Variants in ACOT1 observed in about 807,000 individuals in gnomAD.
ACOT1 encodes acyl-coenzyme A thioesterase 1.
ACOT1 carries 8 observed loss-of-function variants against 15.7 expected under a neutral mutation model. The observed-to-expected ratio is 0.51, with a 90% CI of 0.30 to 0.92. The LOEUF (loss-of-function observed/expected upper bound fraction) is 0.92. Among genes scored for constraint, ACOT1 ranks in the 40% least tolerant of loss-of-function variants. The pLI is 0.06. For synonymous variants in ACOT1, 67 were observed against 241.2 expected (o/e 0.28, Z 6.69); for missense variants, 151 against 539.4 (o/e 0.28, Z 7.13).
chr14:73,497,010 C>T, the ACOT1 span, among the ~76,000 whole-genome samples: 3 of 152,236 alleles, frequency 2.0e-5, no homozygotes, highest in South Asian at 6.2e-4. Flanking sequence ...ATTCTCCTGC[C>T]TCAGCCTCCT....
the ACOT1 span, chr14:73,499,209 G>A: frequency 4.0e-5 from 52 of 1,305,684 alleles, 2 homozygotes; most frequent in South Asian, 3.4e-4. Flanking sequence ...AGCTGGGTGC[G>A]GTGGTGCACC....
chr14:73,520,624 A>G, the ACOT1 span: 1 of 437,580 alleles, frequency 2.3e-6, no homozygotes, highest in Non-Finnish European at 4.0e-6. Flanking sequence ...CCTCTTTAGT[A>G]AGATAGAGGG....
the ACOT1 span, among the ~76,000 whole-genome samples, chr14:73,525,890 T>A: frequency 6.6e-6 from 1 of 151,148 alleles, no homozygotes; most frequent in South Asian, 2.1e-4. Context: ...GAAGCAGAGG[T>A]TGCAGTGAGA....
At chr14:73,498,480 G>T in the ACOT1 span, 1 of 699,766 alleles carries the variant, frequency 1.4e-6, no homozygotes, top group Non-Finnish European at 2.3e-6. Context: ...GGATAGGTCA[G>T]AATGGGACAT....
At chr14:73,492,841 G>T in the ACOT1 span, 3 of 1,613,772 alleles carry the variant, frequency 1.9e-6, no homozygotes, top group Admixed American at 1.7e-5. The surrounding 1 kb of genome is among the most constrained non-coding windows in gnomAD (Gnocchi z 4.9). Flanking sequence ...TTGTGAGAGT[G>T]GGGGACCTGC....
At position 73,537,848 on chromosome 14, in the gene ACOT1, C is replaced by A. The variant is rs1449777971; in HGVS notation, c.427C>A (p.Arg143=). 5.8e-6 allele frequency: 7 copies of A among 1,205,430 alleles called. 3 individuals carry two copies. The African/African-American group carries it at 7.9e-5, about 14-fold the overall frequency. 74.7% of individuals were successfully genotyped at this position (1,205,430 alleles called of 1,614,324 possible). The change falls in exon 1 of 3, where the codon CGG becomes AGG. Residue 143 remains arginine (R), a synonymous_variant. Coordinates refer to ENST00000311148, the MANE Select transcript of ACOT1 (RefSeq NM_001037161.2). ...GCGGCGCGAGCCGGTGCGCGCGGGCCGGGTGCGAGGCACGCTCTTCCTGCC... is the reference window on the plus strand; with the variant it reads ...GCGGCGCGAGCCGGTGCGCGCGGGCAGGGTGCGAGGCACGCTCTTCCTGCC... The part of the protein sequence containing the change: ...GVRREPVRAG[R]VRGTLFLPPE...
At chr14:73,519,375 A>G in the ACOT1 span, among the ~76,000 whole-genome samples, 8 of 152,138 alleles carry the variant, frequency 5.3e-5, no homozygotes. Context: ...TGGGGGAAAA[A>G]AAAAAGAAAA....
chr14:73,519,096 C>G, the ACOT1 span: 2 of 1,613,834 alleles, frequency 1.2e-6, no homozygotes, highest in South Asian at 1.1e-5. Flanking sequence ...GCTTGTTGTA[C>G]CGATTTAGGT....
chr14:73,526,016 G>A, the ACOT1 span, among the ~76,000 whole-genome samples: 1 of 151,778 alleles, frequency 6.6e-6, no homozygotes, highest in African/African-American at 2.4e-5. Context: ...ACAGTACCTG[G>A]TTTTCACATC....
intron 1 of ACOT1, among the ~76,000 whole-genome samples, chr14:73,540,383 G>T (rs1350307678): frequency 8.4e-6 from 1 of 119,512 alleles, no homozygotes; most frequent in Non-Finnish European, 1.8e-5. Flanking sequence ...CAGTCAAAGT[G>T]ATTGAACTAC....
the ACOT1 span, among the ~76,000 whole-genome samples, chr14:73,501,736 GCTAA>G: frequency 1.3e-5 from 2 of 151,092 alleles, no homozygotes; most frequent in African/African-American, 2.4e-5. Context: ...CACCACACTG[GCTAA>G]CTTTTTATTT....
the ACOT1 span, chr14:73,496,454 T>C: frequency 1.7e-6 from 1 of 593,584 alleles, no homozygotes; most frequent in South Asian, 2.2e-5. Context: ...CTTTGCATCT[T>C]CAAATGATGT....
the ACOT1 span, among the ~76,000 whole-genome samples, chr14:73,518,454 C>G: frequency 6.6e-6 from 1 of 151,878 alleles, no homozygotes; most frequent in Non-Finnish European, 1.5e-5. Flanking sequence ...CTGTTAGTTT[C>G]TGCACACCAC....
chr14:73,541,799 C>T lies in ACOT1; in HGVS notation c.660+104C>T. The T allele has an allele frequency of 2.7e-6, 2 of 736,848 alleles. 1 individual carries two copies. The highest frequency in any genetic ancestry group is 4.1e-6 in the Non-Finnish European group (2 of 484,242). 45.6% of individuals were successfully genotyped at this position (736,848 alleles called of 1,614,324 possible). A position where few individuals can be genotyped will look rare whatever the true frequency, so the allele number is the denominator to read the frequency against. On this transcript the variant is annotated intron_variant, in intron 2 of 2. Coordinates refer to ENST00000311148, the MANE Select transcript of ACOT1 (RefSeq NM_001037161.2). ...CTCATTCATGACAGCCATTCCCTAC[C>T]CCAACACACACTACCTTTTTTAGTC...
At chr14:73,496,736 G>T in the ACOT1 span, 1 of 956,590 alleles carries the variant, frequency 1.0e-6, no homozygotes, top group South Asian at 1.3e-5. Context: ...AAAAAGTATG[G>T]GGGTAGAAAA....
chr14:73,498,067 C>T, the ACOT1 span: 1 of 1,263,740 alleles, frequency 7.9e-7, no homozygotes, highest in East Asian at 2.4e-5. Context: ...CATTAGGTAG[C>T]CTGGAAAGGC....
In ACOT1 at chr14:73,542,648, CA is replaced by C. The variant is rs1889129662; in HGVS notation, c.661-401del. 1.8e-5 allele frequency among the ~76,000 whole-genome samples: 2 copies of C among 110,318 alleles called. 1 individual carries two copies. The highest frequency in any genetic ancestry group is 5.7e-4 in the South Asian group (2 of 3,498). 72.4% of individuals were successfully genotyped at this position (110,318 alleles called of 152,430 possible). A position where few individuals can be genotyped will look rare whatever the true frequency, so the allele number is the denominator to read the frequency against. ...CTCGAACTCCTGACCTCAAATGATC[CA>C]CCCGCCTCAGCCTCCCAAACTGTTG... On this transcript the variant is annotated intron_variant, in intron 2 of 2. Transcript: ENST00000311148.
the ACOT1 span, chr14:73,496,665 G>A: frequency 1.3e-6 from 2 of 1,581,358 alleles, no homozygotes; most frequent in Non-Finnish European, 1.7e-6. Context: ...TATCTTCATT[G>A]TCTGGTACAT....
At chr14:73,542,403 CTTT>C (rs57839054) in intron 2 of ACOT1, among the ~76,000 whole-genome samples, 1 of 83,482 alleles carries the variant, frequency 1.2e-5, no homozygotes. Context: ...TTTTTTCTTT[CTTT>C]TTTTTTTTTT....
Sources: allele counts gnomAD v4.1 joint callset (sites outside exome capture counted in the v4.1 genomes callset), GRCh38; gene constraint gnomAD v4.1.1; non-coding constraint Gnocchi (gnomAD v3.1); transcripts MANE v1.5; gene names NCBI Gene and HGNC (gene_info 2026-07-23, HGNC 2026-07-21).